Variants in MMP16 observed in about 807,000 individuals in gnomAD.
MMP16 encodes the protein matrix metallopeptidase 16.
Under a neutral mutation model 67.8 loss-of-function variants are expected in MMP16, and 12 were observed. That is an observed-to-expected ratio of 0.18 (90% confidence interval 0.11 to 0.29). The LOEUF (loss-of-function observed/expected upper bound fraction) is 0.29, where lower values mean the gene tolerates loss of function less well. Among genes scored for constraint, MMP16 ranks in the 10% least tolerant of loss-of-function variants. The pLI is 1.00. For synonymous variants in MMP16, 249 were observed against 255.9 expected (o/e 0.97, Z 0.26); for missense variants, 475 against 765.7 (o/e 0.62, Z 4.48).
At chr8:88,234,466 C>A (rs186235781) in intron 1 of MMP16, among the ~76,000 whole-genome samples, 76 of 152,320 alleles carry the variant, frequency 5.0e-4, no homozygotes, top group Admixed American at 9.8e-4. Flanking sequence ...ATGGATGTAT[C>A]CAAACTCTTT....
chr8:88,118,889 T>G (rs769925259), intron 4 of MMP16, 28 bp from the exon 5 acceptor site: 1 of 1,600,878 alleles, frequency 6.2e-7, no homozygotes, highest in Admixed American at 1.7e-5. Context: ...AAATAAGTTT[T>G]TGTAACTAAT....
At chr8:88,052,081 T>C (rs1347674300) in intron 8 of MMP16, among the ~76,000 whole-genome samples, 1 of 152,218 alleles carries the variant, frequency 6.6e-6, no homozygotes, top group Non-Finnish European at 1.5e-5. Flanking sequence ...CATGGACTCC[T>C]GCTTTCAATA....
rs1808020958 is a variant in MMP16, at chr8:88,034,077, TG to T, written c.*7383del. On this transcript the variant is annotated 3_prime_UTR_variant, in exon 10 of 10. Coordinates refer to ENST00000286614, the MANE Select transcript of MMP16 (RefSeq NM_005941.5). ...CTCTATAAAAAGTTAGAAAAGCCAA[TG>T]AGAGAGGTTGGGATGTATGTCAACT... 1 of 151,964 alleles carries T rather than the reference TG, an allele frequency of 6.6e-6. No homozygotes were observed. The highest frequency in any genetic ancestry group is 2.4e-5 in the African/African-American group (1 of 41,412). The allele number at this position is 151,964 out of a possible 1,614,324, so 9.4% of individuals were successfully genotyped here. A position where few individuals can be genotyped will look rare whatever the true frequency, so the allele number is the denominator to read the frequency against.
chr8:88,305,533 A>G (rs1811199167), intron 1 of MMP16, among the ~76,000 whole-genome samples: 1 of 152,232 alleles, frequency 6.6e-6, no homozygotes, highest in Admixed American at 6.5e-5. Context: ...TTGATCCTAC[A>G]ATCAGAAGTA....
intron 4 of MMP16, among the ~76,000 whole-genome samples, chr8:88,127,577 A>G (rs1329662005): frequency 6.6e-6 from 1 of 151,872 alleles, no homozygotes; most frequent in Non-Finnish European, 1.5e-5. Flanking sequence ...AATTCCATGT[A>G]AAGATCATTT....
chr8:88,280,975 G>C (rs559891724), intron 1 of MMP16, among the ~76,000 whole-genome samples: 1 of 151,990 alleles, frequency 6.6e-6, no homozygotes, highest in African/African-American at 2.4e-5. Context: ...ATTGCTATTA[G>C]CTTTAACCAA....
intron 1 of MMP16, among the ~76,000 whole-genome samples, chr8:88,247,637 T>C (rs914418509): frequency 3.3e-5 from 5 of 151,928 alleles, no homozygotes; most frequent in Non-Finnish European, 4.4e-5. Context: ...GAGAGAGAGA[T>C]TGACAATAAA....
rs1425548367 is a variant in MMP16 at position 88,034,090 on chromosome 8, G to GA, written c.*7370dup. On this transcript the variant is annotated 3_prime_UTR_variant, in exon 10 of 10. Coordinates refer to ENST00000286614, the MANE Select transcript of MMP16 (RefSeq NM_005941.5). ...TAGAAAAGCCAATGAGAGAGGTTGG[G>GA]ATGTATGTCAACTTTGCTGGGACTG... The GA allele has an allele frequency of 6.6e-6, 1 of 151,930 alleles. No individual in the cohort carries two copies. 9.4% of individuals were successfully genotyped at this position (151,930 alleles called of 1,614,324 possible).
intron 8 of MMP16, among the ~76,000 whole-genome samples, chr8:88,055,862 C>A (rs930948901): frequency 6.6e-6 from 1 of 151,606 alleles, no homozygotes; most frequent in East Asian, 1.9e-4. Flanking sequence ...GCTTACATAG[C>A]ATTATGGGCA....
At chr8:88,059,988 A>C (rs189440697) in intron 7 of MMP16, among the ~76,000 whole-genome samples, 1 of 152,006 alleles carries the variant, frequency 6.6e-6, no homozygotes, top group African/African-American at 2.4e-5. Flanking sequence ...AAGAGATAAA[A>C]AAAAAAAAAG....
At chr8:88,066,507 A>G (rs1011017127) in intron 7 of MMP16, among the ~76,000 whole-genome samples, 7 of 152,250 alleles carry the variant, frequency 4.6e-5, no homozygotes, top group East Asian at 1.9e-4. Flanking sequence ...GTTACTTACT[A>G]AATATCAAAT....
In MMP16 at chr8:88,220,902, C is replaced by T. The variant is rs28904619; in HGVS notation, c.133-23596G>A. Among the ~76,000 whole-genome samples, 411 of 152,202 alleles carry T rather than the reference C, an allele frequency of 2.7e-3. 4 individuals are homozygous for T. Among genetic ancestry groups the T allele is most frequent in the African/African-American group, 9.2e-3 (382 of 41,538 alleles). On this transcript the variant is annotated intron_variant, in intron 1 of 9. Coordinates refer to ENST00000286614, the MANE Select transcript of MMP16 (RefSeq NM_005941.5). ...GTATTTCTGTTGCTCCCTCCTGAAA[C>T]CCTACTAAATTAGAAAATAAATAAA...
chr8:88,214,938 A>T (rs1391868618), intron 1 of MMP16, among the ~76,000 whole-genome samples: 1 of 152,202 alleles, frequency 6.6e-6, no homozygotes, highest in East Asian at 1.9e-4. Flanking sequence ...CCTTCAGTGA[A>T]GGAACTATCA....
At chr8:88,080,665 A>C (rs558877327) in intron 6 of MMP16, among the ~76,000 whole-genome samples, 37 of 152,148 alleles carry the variant, frequency 2.4e-4, no homozygotes, top group African/African-American at 8.4e-4. Context: ...TGAACTCCTG[A>C]CCTCAAGTGA....
chr8:88,047,555 G>A (rs933641797), intron 8 of MMP16, among the ~76,000 whole-genome samples: 4 of 152,106 alleles, frequency 2.6e-5, no homozygotes, highest in African/African-American at 9.7e-5. Flanking sequence ...CAGTCTTTGG[G>A]AGAAGAACAT....
At chr8:88,185,671 C>A (rs1809061632) in intron 3 of MMP16, among the ~76,000 whole-genome samples, 1 of 152,140 alleles carries the variant, frequency 6.6e-6, no homozygotes, top group East Asian at 1.9e-4. Flanking sequence ...TCTTCTCCTG[C>A]CCATTGGTTT....
chr8:88,228,717 C>T (rs1809809934), intron 1 of MMP16, among the ~76,000 whole-genome samples: 1 of 151,984 alleles, frequency 6.6e-6, no homozygotes, highest in African/African-American at 2.4e-5. Flanking sequence ...ATTTATAATG[C>T]ACCCCTTTGC....
intron 4 of MMP16, among the ~76,000 whole-genome samples, chr8:88,148,661 G>A (rs953099469): frequency 6.6e-6 from 1 of 152,136 alleles, no homozygotes; most frequent in African/African-American, 2.4e-5. Flanking sequence ...TGATCATTTG[G>A]AGATATCCTT....
chr8:88,201,632 G>A (rs1330419254), intron 1 of MMP16, among the ~76,000 whole-genome samples: 1 of 151,982 alleles, frequency 6.6e-6, no homozygotes, highest in Admixed American at 6.6e-5. Context: ...AATATATTCT[G>A]ATATAATTAA....
Sources: allele counts gnomAD v4.1 joint callset (sites outside exome capture counted in the v4.1 genomes callset), GRCh38; gene constraint gnomAD v4.1.1; transcripts MANE v1.5; gene names NCBI Gene and HGNC (gene_info 2026-07-23, HGNC 2026-07-21).